The following PPP1R42 variants were observed in gnomAD, a reference collection of about 807,000 sequenced individuals.
PPP1R42 encodes leucine rich repeat containing 67.
PPP1R42 carries 34 observed loss-of-function variants against 31.0 expected under a neutral mutation model. The observed-to-expected ratio is 1.10, with a 90% CI of 0.83 to 1.46. The LOEUF is 1.46. Ranked by LOEUF, PPP1R42 falls within the 40% of genes most tolerant of loss-of-function variation. The pLI, the probability that PPP1R42 is intolerant of heterozygous loss-of-function variation, is 0.00. For missense variants in PPP1R42, 268 were observed against 303.0 expected (o/e 0.88, Z 0.86); for synonymous variants, 103 against 109.8 (o/e 0.94, Z 0.39).
intron 5 of PPP1R42, among the ~76,000 whole-genome samples, chr8:67,009,118 A>G (rs891341833): frequency 1.3e-5 from 2 of 152,036 alleles, no homozygotes; most frequent in Admixed American, 1.3e-4. Context: ...TAAAATACAA[A>G]AATAAGCCAG....
In PPP1R42 at chr8:66,990,145, G is replaced by C. The variant is rs77147220; in HGVS notation, c.553-1628C>G. On this transcript the variant is annotated intron_variant, in intron 5 of 7. Transcript: ENST00000685739. ...AGCATTTGTTTGGCAGGGTTTAATA[G>C]AGCCGTAACTATCTTATTTTACGTT... Among the ~76,000 whole-genome samples the C allele has an allele frequency of 6.0e-4, 92 of 152,240 alleles. 1 individual carries two copies. In the East Asian group the frequency reaches 0.017, roughly 27 times the overall value.
At chr8:66,991,905 C>T (rs1425871521) in intron 5 of PPP1R42, among the ~76,000 whole-genome samples, 1 of 152,136 alleles carries the variant, frequency 6.6e-6, no homozygotes, top group Non-Finnish European at 1.5e-5. Flanking sequence ...AGACAGAAGC[C>T]GAGATTCTGC....
intron 5 of PPP1R42, among the ~76,000 whole-genome samples, chr8:67,001,493 T>A (rs1186726599): frequency 6.6e-6 from 1 of 150,714 alleles, no homozygotes; most frequent in Non-Finnish European, 1.5e-5. Context: ...GTCTTGCTAT[T>A]TATCTTATCT....
intron 5 of PPP1R42, among the ~76,000 whole-genome samples, chr8:67,006,525 C>G (rs973719992): frequency 2.0e-5 from 3 of 152,038 alleles, no homozygotes; most frequent in African/African-American, 7.2e-5. Context: ...AAGCTAATTG[C>G]TAATTTCTTT....
At chr8:66,980,435 C>T (rs1466281673) in intron 7 of PPP1R42, among the ~76,000 whole-genome samples, 1 of 151,908 alleles carries the variant, frequency 6.6e-6, no homozygotes, top group Non-Finnish European at 1.5e-5. Flanking sequence ...CACTGTGTTC[C>T]CCAAGCTGAT....
chr8:67,019,106 G>A (rs1302300789), intron 1 of PPP1R42, among the ~76,000 whole-genome samples: 1 of 151,250 alleles, frequency 6.6e-6, no homozygotes, highest in Non-Finnish European at 1.5e-5. Context: ...AAAGTGCTAG[G>A]ATTACAGGCA....
At chr8:66,999,690 A>G (rs987251453) in intron 5 of PPP1R42, among the ~76,000 whole-genome samples, 3 of 152,186 alleles carry the variant, frequency 2.0e-5, no homozygotes, top group Non-Finnish European at 4.4e-5. Context: ...TAAGATTGGT[A>G]TCATTTCTTT....
chr8:66,968,598 G>A (rs1339409641), intron 7 of PPP1R42: 13 of 511,440 alleles, frequency 2.5e-5, no homozygotes, highest in Non-Finnish European at 3.3e-5. Flanking sequence ...TTTAGGCTGA[G>A]TATTTTGTTT....
At chr8:66,997,860 C>A (rs1227442975) in intron 5 of PPP1R42, among the ~76,000 whole-genome samples, 2 of 152,124 alleles carry the variant, frequency 1.3e-5, no homozygotes, top group Non-Finnish European at 2.9e-5. Flanking sequence ...GATGGTTTTA[C>A]CAATTGGTTC....
At chr8:67,013,559 TAA>T (rs1184693135) in intron 3 of PPP1R42, among the ~76,000 whole-genome samples, 1 of 150,264 alleles carries the variant, frequency 6.7e-6, no homozygotes, top group Non-Finnish European at 1.5e-5. Flanking sequence ...AATAAATAAA[TAA>T]ATAAGCAAGC....
At chr8:66,977,335 G>GCTT (rs1814706459) in intron 7 of PPP1R42, among the ~76,000 whole-genome samples, 1 of 143,448 alleles carries the variant, frequency 7.0e-6, no homozygotes, top group East Asian at 2.1e-4. Flanking sequence ...GCCCACCCTT[G>GCTT]CTTTTTTTTT....
chr8:67,010,495 G>A, intron 5 of PPP1R42: 1 of 429,818 alleles, frequency 2.3e-6, no homozygotes, highest in Non-Finnish European at 4.1e-6. Flanking sequence ...CTATTATTCT[G>A]TTGGTGAGGG....
intron 7 of PPP1R42, chr8:66,971,007 ATCT>A (rs1563412322): frequency 2.0e-6 from 3 of 1,524,942 alleles, no homozygotes; most frequent in Non-Finnish European, 1.7e-6. Context: ...TTTTAGTGTA[ATCT>A]TCTCAGGAAC....
intron 1 of PPP1R42, among the ~76,000 whole-genome samples, chr8:67,024,015 G>A (rs112873908): frequency 0.035 from 5,292 of 151,740 alleles, 190 homozygotes; most frequent in African/African-American, 0.079. Context: ...GCATGGTGGC[G>A]CGCACCTGTA....
In PPP1R42 at chr8:66,988,389, TA is replaced by T; in HGVS notation, c.670+10del. 1 of 1,411,236 alleles carries T rather than the reference TA, an allele frequency of 7.1e-7. No homozygotes were observed. Among genetic ancestry groups the T allele is most frequent in the Non-Finnish European group, 9.2e-7 (1 of 1,081,376 alleles). 87.4% of individuals were successfully genotyped at this position (1,411,236 alleles called of 1,614,324 possible). On this transcript the variant is annotated intron_variant, in intron 6 of 7. Coordinates refer to ENST00000685739, the MANE Select transcript of PPP1R42 (RefSeq NM_001364910.1). Reference sequence around the variant, plus strand: ...CATTCTCTTAAAAATTATATTAATATAAATATGTACCCAGTGATTTGGACAC... The same window carrying T: ...CATTCTCTTAAAAATTATATTAATATAATATGTACCCAGTGATTTGGACAC...
At chr8:66,995,056 G>A (rs1815294986) in intron 5 of PPP1R42, among the ~76,000 whole-genome samples, 1 of 152,174 alleles carries the variant, frequency 6.6e-6, no homozygotes, top group African/African-American at 2.4e-5. Context: ...GACGATTCAG[G>A]ATGGATGTCA....
At chr8:67,024,144 CA>C (rs995179753) in intron 1 of PPP1R42, among the ~76,000 whole-genome samples, 3 of 146,634 alleles carry the variant, frequency 2.0e-5, no homozygotes, top group East Asian at 2.0e-4. Flanking sequence ...GACTCCATCT[CA>C]AAAAAAAACC....
intron 7 of PPP1R42, among the ~76,000 whole-genome samples, chr8:66,967,320 A>G (rs1331665618): frequency 6.6e-6 from 1 of 152,176 alleles, no homozygotes; most frequent in Non-Finnish European, 1.5e-5. Context: ...TTTGGGAAAG[A>G]GGGGGGACTA....
intron 2 of PPP1R42, 89 bp from the exon 3 acceptor site, chr8:67,014,681 A>G: frequency 1.2e-6 from 1 of 855,160 alleles, no homozygotes; most frequent in Non-Finnish European, 1.8e-6. Flanking sequence ...TGATCATTCT[A>G]CAAATTTCTC....
Sources: gnomAD v4.1 joint callset for allele counts (sites outside exome capture counted in the v4.1 genomes callset) on GRCh38, gnomAD v4.1.1 for gene constraint, MANE v1.5 for transcripts, NCBI Gene and HGNC (gene_info 2026-07-23, HGNC 2026-07-21) for gene names.